The following SLC34A2 variants were observed in gnomAD, a reference collection of about 807,000 sequenced individuals.
SLC34A2 encodes the protein sodium-dependent phosphate transport protein 2B.
SLC34A2 carries 41 observed loss-of-function variants against 50.8 expected under a neutral mutation model. That is an observed-to-expected ratio of 0.81 (90% CI 0.63 to 1.05). The LOEUF is 1.05. Among genes scored for constraint, SLC34A2 ranks in the 50% least tolerant of loss-of-function variants. SLC34A2 has a pLI of 0.00. For synonymous variants in SLC34A2, 401 were observed against 364.2 expected (o/e 1.10, Z -1.15); for missense variants, 879 against 876.7 (o/e 1.00, Z -0.03).
chr4:25,666,089 C>T (rs780733620), intron 4 of SLC34A2, 39 bp from the exon 5 acceptor site: 108 of 1,608,694 alleles, frequency 6.7e-5, no homozygotes, highest in Non-Finnish European at 8.6e-5. Context: ...CCCTCGATCA[C>T]GTTGTGATTG....
rs1317664145 is a variant in SLC34A2, at chr4:25,676,543, C to T, written c.1867C>T (p.Arg623Cys). The change falls in exon 13 of 13, where the codon CGC (arginine) becomes TGC (cysteine). Residue 623 changes from arginine to cysteine, a missense_variant. By Grantham distance (180) the Arg-to-Cys change is radical. Transcript: ENST00000382051. ...CCAGATGCGCTGCTGCTGCTGCTGC[C>T]GCGTGTGCTGCCGCGCGTGCTGCTT... ...CFQMRCCCCC[R>C]VCCRACCLLC... The T allele has an allele frequency of 1.7e-5, 27 of 1,612,408 alleles. No homozygotes were observed. Among genetic ancestry groups the T allele is most frequent in the Non-Finnish European group, 2.2e-5 (26 of 1,178,670 alleles).
intron 1 of SLC34A2, among the ~76,000 whole-genome samples, chr4:25,657,791 C>T (rs564107239): frequency 6.6e-6 from 1 of 152,314 alleles, no homozygotes; most frequent in Non-Finnish European, 1.5e-5. Flanking sequence ...CAGGGTCTCA[C>T]TATGTTGTCT....
Position 25,662,750 on chromosome 4 carries a change from C to A in SLC34A2, c.158C>A (p.Ser53Tyr). The A allele has an allele frequency of 6.2e-7, 1 of 1,614,106 alleles. No individual in the cohort carries two copies. The highest frequency in any genetic ancestry group is 8.5e-7 in the Non-Finnish European group (1 of 1,179,998). Residue 53 changes from serine (S) to tyrosine (Y), a missense_variant, in exon 3 of 13, where the codon TCC (serine) becomes TAC (tyrosine). By Grantham distance (144) the Ser-to-Tyr change is moderately radical. Coordinates refer to ENST00000382051, the MANE Select transcript of SLC34A2 (RefSeq NM_006424.3). ...GTAACCAAGATTGAACTTCTGCCGTCCTACTCCACGGCTACACTGATAGAT... is the reference window on the plus strand; with the variant it reads ...GTAACCAAGATTGAACTTCTGCCGTACTACTCCACGGCTACACTGATAGAT... ...APVTKIELLP[S>Y]YSTATLIDEP...
chr4:25,658,890 A>G (rs1256550907), intron 1 of SLC34A2, among the ~76,000 whole-genome samples: 9 of 151,056 alleles, frequency 6.0e-5, no homozygotes, highest in Admixed American at 5.9e-4. Context: ...TGCCTGCACC[A>G]TTTAATACCC....
Position 25,669,823 on chromosome 4 carries a change from T to G in SLC34A2, c.812T>G (p.Phe271Cys). 2 of 1,614,134 alleles carry G rather than the reference T, an allele frequency of 1.2e-6. No individual in the cohort carries two copies. The highest frequency in any genetic ancestry group is 1.7e-5 in the Admixed American group (1 of 60,024). Residue 271 changes from phenylalanine to cysteine, a missense_variant, in exon 7 of 13, where the codon TTC (phenylalanine) becomes TGC (cysteine). Physicochemically the swap from Phe to Cys is radical, Grantham distance 205. Transcript: ENST00000382051. ...CTTCTGAAAGTCATCACTAAGCCCT[T>G]CACAAAGCTCATTGTCCAGGTAACT... ...PDLLKVITKP[F>C]TKLIVQLDKK...
chr4:25,674,260 G>A (rs189034806), intron 10 of SLC34A2, 36 bp from the exon 11 acceptor site: 48 of 1,559,922 alleles, frequency 3.1e-5, no homozygotes, highest in Middle Eastern at 3.3e-4. Context: ...TACCTTCCCC[G>A]GAGAGGCCAT....
At chr4:25,661,560 G>A in intron 1 of SLC34A2, among the ~76,000 whole-genome samples, 1 of 151,960 alleles carries the variant, frequency 6.6e-6, no homozygotes, top group East Asian at 1.9e-4. Context: ...GCTAATTTTT[G>A]TATTTTTAGT....
rs80290315 is a variant in SLC34A2, at chr4:25,661,038, A to G, written c.-3-1460A>G. On this transcript the variant is annotated intron_variant, in intron 1 of 12. Coordinates refer to ENST00000382051, the MANE Select transcript of SLC34A2 (RefSeq NM_006424.3). ...CTGAGAAAGGCCTTGTGAAGAAAAT[A>G]GATTGTAAGAAGGTCTTTTCTGAAG... 2.7e-3 allele frequency among the ~76,000 whole-genome samples: 410 copies of G among 152,352 alleles called. 1 individual carries two copies. The highest frequency in any genetic ancestry group is 9.0e-3 in the African/African-American group (374 of 41,586).
At position 25,664,183 on chromosome 4, in the gene SLC34A2, CCA is replaced by C; in HGVS notation, c.251-18_251-17del. ...GTTTCATGCCTTTCTCTCTCTCCCC[CCA>C]TCCCACCCCCCTGCAGAGAGAGACA... is the stretch of plus-strand genomic sequence containing the variant. On this transcript the variant is annotated splice_polypyrimidine_tract_variant and intron_variant, in intron 3 of 12. Transcript: ENST00000382051. 1 of 1,608,872 alleles carries C rather than the reference CCA, an allele frequency of 6.2e-7. No homozygotes were observed. The highest frequency in any genetic ancestry group is 8.5e-7 in the Non-Finnish European group (1 of 1,175,896).
At chr4:25,669,584 C>A in intron 6 of SLC34A2, 63 bp from the exon 7 acceptor site, 1 of 1,456,228 alleles carries the variant, frequency 6.9e-7, no homozygotes, top group Non-Finnish European at 9.6e-7. Flanking sequence ...AGGTAATGAC[C>A]CACCTCACAT....
At chr4:25,659,908 T>C (rs1170128650) in intron 1 of SLC34A2, among the ~76,000 whole-genome samples, 1 of 152,232 alleles carries the variant, frequency 6.6e-6, no homozygotes, top group Non-Finnish European at 1.5e-5. Context: ...TTTCTGGATC[T>C]TGTCTGCCTT....
At chr4:25,660,242 T>G (rs1714109050) in intron 1 of SLC34A2, among the ~76,000 whole-genome samples, 1 of 152,112 alleles carries the variant, frequency 6.6e-6, no homozygotes, top group African/African-American at 2.4e-5. Context: ...AAGCAGGAAA[T>G]AGGTTGACGA....
intron 6 of SLC34A2, among the ~76,000 whole-genome samples, chr4:25,668,890 G>GT (rs545397296): frequency 0.13 from 17,613 of 135,632 alleles, 1,499 homozygotes; most frequent in East Asian, 0.27. Flanking sequence ...CTTCTAGCTA[G>GT]TTTTTTTTTT....
Position 25,666,218 on chromosome 4 carries a change from T to C in SLC34A2, c.470T>C (p.Val157Ala). Reference sequence around the variant, plus strand: ...ATCGGGGTGCTGGTGACCGTCTTGGTGCAGAGCTCCAGCACCTCAACGTCC... The same window carrying C: ...ATCGGGGTGCTGGTGACCGTCTTGGCGCAGAGCTCCAGCACCTCAACGTCC... ...LVIGVLVTVL[V>A]QSSSTSTSIV... Residue 157 changes from valine (V) to alanine (A), a missense_variant, in exon 5 of 13, where the codon GTG (valine) becomes GCG (alanine). By Grantham distance (64) the Val-to-Ala change is moderately conservative (BLOSUM62 0). Coordinates refer to ENST00000382051, the MANE Select transcript of SLC34A2 (RefSeq NM_006424.3). 6.2e-7 allele frequency: 1 copy of C among 1,614,090 alleles called. No homozygotes were observed. The highest frequency in any genetic ancestry group is 8.5e-7 in the Non-Finnish European group (1 of 1,180,030).
chr4:25,662,057 A>C (rs986868992), intron 1 of SLC34A2, among the ~76,000 whole-genome samples: 1 of 152,004 alleles, frequency 6.6e-6, no homozygotes, highest in Non-Finnish European at 1.5e-5. Context: ...TTTTTAGTAG[A>C]GATGGGGTTT....
At chr4:25,667,802 G>T in intron 5 of SLC34A2, 78 bp from the exon 6 acceptor site, 1 of 902,604 alleles carries the variant, frequency 1.1e-6, no homozygotes, top group Admixed American at 1.9e-5. Flanking sequence ...CTTCTTTAGA[G>T]GATACCAGCA....
At chr4:25,656,810 C>T (rs926178422) in intron 1 of SLC34A2, among the ~76,000 whole-genome samples, 1 of 152,140 alleles carries the variant, frequency 6.6e-6, no homozygotes, top group African/African-American at 2.4e-5. Flanking sequence ...TTTCATCACT[C>T]GAGTCCCCTC....
chr4:25,668,420 A>G lies in SLC34A2; in HGVS notation c.635+429A>G, dbSNP rs200582203. 5.1e-4 allele frequency among the ~76,000 whole-genome samples: 78 copies of G among 152,340 alleles called. 2 individuals carry two copies. In the East Asian group the frequency reaches 0.014, roughly 28 times the overall value. On this transcript the variant is annotated intron_variant, in intron 6 of 12. Transcript: ENST00000382051. ...GTAATCCCAGCACTCTGGGAGGCCC[A>G]GGCGGGTGGATCGCCTGAGGTCAGG...
chr4:25,670,634 T>C, intron 7 of SLC34A2, 104 bp from the exon 8 acceptor site: 1 of 831,400 alleles, frequency 1.2e-6, no homozygotes, highest in Non-Finnish European at 2.0e-6. Flanking sequence ...GGGCTCACAG[T>C]CACATTTATC....
Sources: gnomAD v4.1 joint callset for allele counts (sites outside exome capture counted in the v4.1 genomes callset) on GRCh38, gnomAD v4.1.1 for gene constraint, MANE v1.5 for transcripts, NCBI Gene and HGNC (gene_info 2026-07-23, HGNC 2026-07-21) for gene names.